Variants in GNE observed in about 807,000 individuals in gnomAD.
The protein encoded by GNE is bifunctional UDP-N-acetylglucosamine 2-epimerase/N-acetylmannosamine kinase.
Under a neutral mutation model 61.8 loss-of-function variants are expected in GNE, and 41 were observed. The observed-to-expected ratio is 0.66, with a 90% CI of 0.52 to 0.86. The LOEUF (loss-of-function observed/expected upper bound fraction) is 0.86, where lower values mean the gene tolerates loss of function less well. GNE is among the 40% of genes least tolerant of loss of function. The pLI, the probability that GNE is intolerant of heterozygous loss-of-function variation, is 0.00. For missense variants in GNE, 608 were observed against 909.1 expected (o/e 0.67, Z 4.26); for synonymous variants, 264 against 326.4 (o/e 0.81, Z 2.06).
In GNE at chr9:36,216,332, T is replaced by TGTGTGTGTGTGCGTGTGTGTGTGTGC; in HGVS notation, c.*1032_*1033insGCACACACACACACGCACACACACAC. On this transcript the variant is annotated 3_prime_UTR_variant, in exon 12 of 12. Transcript: ENST00000642385. ...TTGGGGTTAGAGGAGGAAGGATGTG[T>TGTGTGTGTGTGCGTGTGTGTGTGTGC]GTGTGTGTGTGTGTGTGTGTGTAGA... 1 of 411,876 alleles carries TGTGTGTGTGTGCGTGTGTGTGTGTGC rather than the reference T, an allele frequency of 2.4e-6. No homozygotes were observed. The highest frequency in any genetic ancestry group is 5.1e-6 in the Non-Finnish European group (1 of 197,330). The allele number at this position is 411,876 out of a possible 1,614,324, so 25.5% of individuals were successfully genotyped here.
chr9:36,237,280 C>A (rs1169856368), intron 3 of GNE, among the ~76,000 whole-genome samples: 1 of 152,140 alleles, frequency 6.6e-6, no homozygotes, highest in Admixed American at 6.5e-5. Flanking sequence ...CCAAAGCACT[C>A]AAAAAATGTG....
In GNE at chr9:36,240,212, T is replaced by C. The variant is rs561803471; in HGVS notation, c.617-3228A>G. 5.3e-5 allele frequency among the ~76,000 whole-genome samples: 8 copies of C among 152,294 alleles called. No homozygotes were observed. The South Asian group carries it at 1.7e-3, about 32-fold the overall frequency. ...CCAGTACCATGTTGAAGAGGAGTGG[T>C]GAGAGTGGGCATCCTTGTCTTGTTC... is the stretch of plus-strand genomic sequence containing the variant. On this transcript the variant is annotated intron_variant, in intron 3 of 11. Coordinates refer to ENST00000642385, the MANE Select transcript of GNE (RefSeq NM_005476.7).
chr9:36,234,049 C>G lies in GNE; in HGVS notation c.853G>C (p.Asp285His). The G allele has an allele frequency of 3.1e-6, 5 of 1,614,078 alleles. No individual in the cohort carries two copies. The highest frequency in any genetic ancestry group is 4.2e-6 in the Non-Finnish European group (5 of 1,179,928). The change falls in exon 5 of 12, where the codon GAC becomes CAC. Residue 285 changes from aspartate (D) to histidine (H), a missense_variant. Asp to His is a moderately conservative substitution (Grantham distance 81, BLOSUM62 -1). Coordinates refer to ENST00000642385, the MANE Select transcript of GNE (RefSeq NM_005476.7). Reference sequence around the variant, plus strand: ...TGGGCAACCAACTGTATAAACTGGTCAAATGGGACGTGTTTAACTGCACGA... The same window carrying G: ...TGGGCAACCAACTGTATAAACTGGTGAAATGGGACGTGTTTAACTGCACGA... ...NFRAVKHVPFDQFIQLVAHAG... is the reference protein window; with the variant it reads ...NFRAVKHVPFHQFIQLVAHAG...
chr9:36,242,591 T>C (rs1829682745), intron 3 of GNE, among the ~76,000 whole-genome samples: 1 of 152,216 alleles, frequency 6.6e-6, no homozygotes, highest in East Asian at 1.9e-4. Context: ...AGCTAATTTT[T>C]GTATTTTTAG....
At chr9:36,265,537 C>T (rs983886752) in intron 1 of GNE, 1 of 449,078 alleles carries the variant, frequency 2.2e-6, no homozygotes, top group Admixed American at 2.4e-5. Context: ...CCATATTAAG[C>T]TGGATATTCC....
chr9:36,265,107 C>T (rs988054497), intron 1 of GNE: 4 of 288,502 alleles, frequency 1.4e-5, no homozygotes, highest in Admixed American at 8.3e-5. Flanking sequence ...TCCAGCGAGG[C>T]GCCCACTGCT....
At chr9:36,248,617 C>T (rs1199304075) in intron 2 of GNE, among the ~76,000 whole-genome samples, 1 of 152,110 alleles carries the variant, frequency 6.6e-6, no homozygotes, top group Non-Finnish European at 1.5e-5. Flanking sequence ...TGCCACCGTG[C>T]CCGGCCCAAC....
At chr9:36,228,032 C>CAA (rs1385568208) in intron 6 of GNE, among the ~76,000 whole-genome samples, 25 of 46,688 alleles carry the variant, frequency 5.4e-4, no homozygotes, top group African/African-American at 8.0e-4. Flanking sequence ...GACTCCGTCT[C>CAA]AAAAAAAAAA....
intron 3 of GNE, among the ~76,000 whole-genome samples, chr9:36,238,462 C>T (rs949169754): frequency 2.1e-4 from 32 of 152,152 alleles, no homozygotes; most frequent in Non-Finnish European, 3.7e-4. Flanking sequence ...AAGGCGGCAT[C>T]GCATTATGGT....
chr9:36,231,660 T>C lies in GNE; in HGVS notation c.982+2260A>G, dbSNP rs1400488381. Among the ~76,000 whole-genome samples, 8 of 152,042 alleles carry C rather than the reference T, an allele frequency of 5.3e-5. No homozygotes were observed. In the East Asian group the frequency reaches 1.2e-3, roughly 22 times the overall value. On this transcript the variant is annotated intron_variant, in intron 5 of 11. Transcript: ENST00000642385. Reference sequence around the variant, plus strand: ...ATAGCTAGAGCAACCACTAAGAAAATAGATGGGGGCTAAGTCTGATGATTG... The same window carrying C: ...ATAGCTAGAGCAACCACTAAGAAAACAGATGGGGGCTAAGTCTGATGATTG...
chr9:36,273,002 T>C (rs545466386), intron 1 of GNE, among the ~76,000 whole-genome samples: 43 of 150,934 alleles, frequency 2.8e-4, no homozygotes, highest in Admixed American at 6.6e-4. Context: ...GGAGAATTGC[T>C]TGAGTGCAGG....
At chr9:36,269,851 G>A (rs570592571) in intron 1 of GNE, among the ~76,000 whole-genome samples, 7 of 151,842 alleles carry the variant, frequency 4.6e-5, no homozygotes, top group African/African-American at 1.2e-4. Flanking sequence ...TAGTAGAGAC[G>A]GGGTTTCACC....
At chr9:36,257,596 G>A (rs1160812496) in intron 1 of GNE, among the ~76,000 whole-genome samples, 1 of 151,628 alleles carries the variant, frequency 6.6e-6, no homozygotes, top group African/African-American at 2.4e-5. Context: ...GAGGTCAGGA[G>A]ATCGAGACCA....
intron 1 of GNE, among the ~76,000 whole-genome samples, chr9:36,271,193 G>T (rs1226167963): frequency 6.6e-6 from 1 of 152,062 alleles, no homozygotes; most frequent in Admixed American, 6.6e-5. Flanking sequence ...GCCCCAAAGA[G>T]TTCTTTCTCT....
At chr9:36,248,100 T>C (rs1009869259) in intron 2 of GNE, among the ~76,000 whole-genome samples, 1 of 152,044 alleles carries the variant, frequency 6.6e-6, no homozygotes, top group Non-Finnish European at 1.5e-5. Flanking sequence ...TCTTTAAGTA[T>C]TTCCTAGTAG....
chr9:36,258,114 C>T (rs1319549899), intron 1 of GNE, among the ~76,000 whole-genome samples: 1 of 152,230 alleles, frequency 6.6e-6, no homozygotes, highest in Non-Finnish European at 1.5e-5. Context: ...CCGAGCCACA[C>T]GGCGGAGCCC....
In GNE at chr9:36,242,495, T is replaced by C. The variant is rs1221823001; in HGVS notation, c.616+3536A>G. 2.0e-5 allele frequency among the ~76,000 whole-genome samples: 3 copies of C among 152,038 alleles called. No individual in the cohort carries two copies. In the East Asian group the frequency reaches 5.8e-4, roughly 30 times the overall value. ...GTGCAGTGGCGCGATCTCGGCTCAC[T>C]GCAGCCTCCGCCTCCTGGGTTTCAT... On this transcript the variant is annotated intron_variant, in intron 3 of 11. Coordinates refer to ENST00000642385, the MANE Select transcript of GNE (RefSeq NM_005476.7).
At position 36,258,428 on chromosome 9, in the gene GNE, C is replaced by A. The variant is rs1830488804; in HGVS notation, c.-150G>T. 2 of 985,382 alleles carry A rather than the reference C, an allele frequency of 2.0e-6. No homozygotes were observed. Among genetic ancestry groups the A allele is most frequent in the Non-Finnish European group, 2.4e-6 (2 of 829,984 alleles). The allele number at this position is 985,382 out of a possible 1,614,324, so 61.0% of individuals were successfully genotyped here. A position where few individuals can be genotyped will look rare whatever the true frequency, so the allele number is the denominator to read the frequency against. On this transcript the variant is annotated 5_prime_UTR_variant, in exon 1 of 12. Transcript: ENST00000642385. ...GCGCGAGCCTGCCCCTCGGTTTCCG[C>A]GCTCGGGCGCGCGGGTAGACGACTC...
chr9:36,219,069 TG>T (rs1478050350), intron 10 of GNE, among the ~76,000 whole-genome samples: 1 of 152,136 alleles, frequency 6.6e-6, no homozygotes, highest in African/African-American at 2.4e-5. Context: ...AGACATCAAC[TG>T]GTGGTCTCCT....
Sources: gnomAD v4.1 joint callset for allele counts (sites outside exome capture counted in the v4.1 genomes callset) on GRCh38, gnomAD v4.1.1 for gene constraint, MANE v1.5 for transcripts, NCBI Gene and HGNC (gene_info 2026-07-23, HGNC 2026-07-21) for gene names.